The following TMEM150C variants were observed in gnomAD, a reference collection of about 807,000 sequenced individuals.
TMEM150C encodes transmembrane protein 150C.
Under a neutral mutation model 29.9 loss-of-function variants are expected in TMEM150C, and 10 were observed. The observed-to-expected ratio is 0.33, with a 90% CI of 0.21 to 0.57. The LOEUF (loss-of-function observed/expected upper bound fraction) is 0.57. Ranked by LOEUF, TMEM150C falls within the 20% of genes least tolerant of loss-of-function variation. The pLI, the probability that TMEM150C is intolerant of heterozygous loss-of-function variation, is 0.88. For synonymous variants in TMEM150C, 101 were observed against 112.5 expected (o/e 0.90, Z 0.64); for missense variants, 251 against 303.6 (o/e 0.83, Z 1.29).
At chr4:82,499,737 A>AAAAAAAAAAAAAAAC in intron 5 of TMEM150C, among the ~76,000 whole-genome samples, 2 of 151,420 alleles carry the variant, frequency 1.3e-5, no homozygotes, top group African/African-American at 4.8e-5. Context: ...AAAAAAAAAA[A>AAAAAAAAAAAAAAAC]AAAAAAAGCA....
chr4:82,523,754 T>C (rs574301612), intron 1 of TMEM150C, among the ~76,000 whole-genome samples: 4 of 152,070 alleles, frequency 2.6e-5, no homozygotes, highest in Admixed American at 6.5e-5. Flanking sequence ...CTCAGCTCAC[T>C]GCAACCTTCA....
intron 6 of TMEM150C, among the ~76,000 whole-genome samples, chr4:82,490,570 G>A (rs1021911200): frequency 2.6e-5 from 4 of 151,912 alleles, no homozygotes; most frequent in African/African-American, 9.7e-5. Flanking sequence ...ATTTGGACAT[G>A]GTTTTTTTTG....
intron 1 of TMEM150C, among the ~76,000 whole-genome samples, chr4:82,545,720 AG>A (rs1395524612): frequency 6.6e-6 from 1 of 152,192 alleles, no homozygotes; most frequent in Non-Finnish European, 1.5e-5. Flanking sequence ...ACTTAAGGCC[AG>A]GAGTTTGAGA....
chr4:82,501,891 A>T (rs756340214), intron 5 of TMEM150C, among the ~76,000 whole-genome samples: 2 of 152,202 alleles, frequency 1.3e-5, no homozygotes, highest in Non-Finnish European at 2.9e-5. Flanking sequence ...ACTACCTCTT[A>T]CTTGGAGTGA....
rs548778517 is a variant in TMEM150C, at chr4:82,497,629, C to T, written c.236-1434G>A. ...TTTATAAAAATCTCAAATTGTTCAG[C>T]CCTGATATATCTTTCAGTATATGCT... On this transcript the variant is annotated intron_variant, in intron 5 of 7. Coordinates refer to ENST00000449862, the MANE Select transcript of TMEM150C (RefSeq NM_001080506.3). Among the ~76,000 whole-genome samples, 25 of 152,234 alleles carry T rather than the reference C, an allele frequency of 1.6e-4. No homozygotes were observed. The South Asian group carries it at 5.0e-3, about 30-fold the overall frequency.
chr4:82,507,308 A>G (rs1167000856), intron 1 of TMEM150C, among the ~76,000 whole-genome samples: 10 of 152,214 alleles, frequency 6.6e-5, no homozygotes, highest in Non-Finnish European at 7.3e-5. Flanking sequence ...ACAAATACTC[A>G]TGCTGGCTCC....
At chr4:82,556,090 TG>T (rs1578160973) in intron 1 of TMEM150C, among the ~76,000 whole-genome samples, 1 of 151,922 alleles carries the variant, frequency 6.6e-6, no homozygotes, top group East Asian at 1.9e-4. Context: ...TTTCTAGTGT[TG>T]TTTTTTTTTT....
intron 5 of TMEM150C, among the ~76,000 whole-genome samples, chr4:82,502,097 T>G (rs1057038803): frequency 2.6e-5 from 4 of 152,182 alleles, no homozygotes; most frequent in Non-Finnish European, 5.9e-5. Context: ...TCCCACCATC[T>G]CTGGAGGACT....
At chr4:82,539,459 C>CTTTTT (rs34120699) in intron 1 of TMEM150C, among the ~76,000 whole-genome samples, 25,637 of 147,342 alleles carry the variant, frequency 0.17, 3,630 homozygotes, top group African/African-American at 0.39. Context: ...ATCCAAACAA[C>CTTTTT]TTTTTTTTTT....
chr4:82,548,005 C>A (rs149859807), intron 1 of TMEM150C, among the ~76,000 whole-genome samples: 2 of 152,136 alleles, frequency 1.3e-5, no homozygotes, highest in Non-Finnish European at 2.9e-5. Flanking sequence ...ATATACACCA[C>A]GGAATACTAT....
intron 1 of TMEM150C, among the ~76,000 whole-genome samples, chr4:82,511,779 A>G (rs1724135749): frequency 6.6e-6 from 1 of 152,184 alleles, no homozygotes; most frequent in Non-Finnish European, 1.5e-5. Context: ...TCCCTACACT[A>G]TTGACAGAAT....
chr4:82,561,960 TGGCGGC>T lies in TMEM150C; in HGVS notation c.-71_-66del. On this transcript the variant is annotated 5_prime_UTR_variant, in exon 1 of 8. Transcript: ENST00000449862. ...CTCGAGGGGCTGTGACCTGCTGCGGTGGCGGCGGCGGCAGCAGTAGCGGCGGGTAGG... is the reference window on the plus strand; with the variant it reads ...CTCGAGGGGCTGTGACCTGCTGCGGTGGCGGCAGCAGTAGCGGCGGGTAGG... 6.3e-6 allele frequency: 7 copies of T among 1,104,206 alleles called. No homozygotes were observed. The highest frequency in any genetic ancestry group is 7.8e-6 in the Non-Finnish European group (7 of 900,068). The allele number at this position is 1,104,206 out of a possible 1,614,324, so 68.4% of individuals were successfully genotyped here. A position where few individuals can be genotyped will look rare whatever the true frequency, so the allele number is the denominator to read the frequency against.
At position 82,484,679 on chromosome 4, in the gene TMEM150C, T is replaced by A. The variant is rs1282768550; in HGVS notation, c.*832A>T. The A allele has an allele frequency of 1.3e-5, 2 of 152,206 alleles. No homozygotes were observed. Among genetic ancestry groups the A allele is most frequent in the Admixed American group, 6.5e-5 (1 of 15,284 alleles). 9.4% of individuals were successfully genotyped at this position (152,206 alleles called of 1,614,324 possible). The stretch of plus-strand genomic sequence containing the variant: ...GCTCAGCTCTTGCATTTGGTCTACA[T>A]CTTTGTCCATGAGGCTTAGAGAGAC... On this transcript the variant is annotated 3_prime_UTR_variant, in exon 8 of 8. Coordinates refer to ENST00000449862, the MANE Select transcript of TMEM150C (RefSeq NM_001080506.3).
At chr4:82,498,932 C>G (rs1218424565) in intron 5 of TMEM150C, among the ~76,000 whole-genome samples, 1 of 152,194 alleles carries the variant, frequency 6.6e-6, no homozygotes, top group African/African-American at 2.4e-5. Context: ...TATTTGAAGA[C>G]AGGGATTTAA....
Position 82,484,453 on chromosome 4 carries a change from T to G in TMEM150C, c.*1058A>C, listed in dbSNP as rs1470033949. On this transcript the variant is annotated 3_prime_UTR_variant, in exon 8 of 8. Transcript: ENST00000449862. ...CTACTAAATTTGAGCAAAAGATACA[T>G]ATTAACAAAGTCTCCCCTGATTTGG... The G allele has an allele frequency of 6.6e-6, 1 of 151,334 alleles. No homozygotes were observed. The highest frequency in any genetic ancestry group is 2.4e-5 in the African/African-American group (1 of 41,162). The allele number at this position is 151,334 out of a possible 1,614,324, so 9.4% of individuals were successfully genotyped here. A position where few individuals can be genotyped will look rare whatever the true frequency, so the allele number is the denominator to read the frequency against.
At chr4:82,515,718 CAGAGTG>C (rs1223879279) in intron 1 of TMEM150C, among the ~76,000 whole-genome samples, 2 of 147,546 alleles carry the variant, frequency 1.4e-5, no homozygotes. Flanking sequence ...GCCTGGGCGA[CAGAGTG>C]AGACTCTATC....
chr4:82,493,985 G>A (rs1054186366), intron 6 of TMEM150C, among the ~76,000 whole-genome samples: 3 of 152,182 alleles, frequency 2.0e-5, no homozygotes, highest in Non-Finnish European at 2.9e-5. Flanking sequence ...AAGTCTTTGG[G>A]AATGAGTGAT....
intron 1 of TMEM150C, among the ~76,000 whole-genome samples, chr4:82,540,952 T>C (rs1725181519): frequency 6.6e-6 from 1 of 152,216 alleles, no homozygotes; most frequent in Non-Finnish European, 1.5e-5. Context: ...CAGGTTGATT[T>C]GAATCCCAGC....
intron 1 of TMEM150C, among the ~76,000 whole-genome samples, chr4:82,515,346 A>G (rs1352449275): frequency 6.6e-6 from 1 of 152,210 alleles, no homozygotes; most frequent in East Asian, 1.9e-4. Context: ...TCAGCACAGC[A>G]CCCTGAGAAG....
Sources: gnomAD v4.1 joint callset for allele counts (sites outside exome capture counted in the v4.1 genomes callset) on GRCh38, gnomAD v4.1.1 for gene constraint, MANE v1.5 for transcripts, NCBI Gene and HGNC (gene_info 2026-07-23, HGNC 2026-07-21) for gene names.